Variants in COG4 observed in about 807,000 individuals in gnomAD.
COG4 encodes the protein conserved oligomeric Golgi complex subunit 4.
Under a neutral mutation model 95.1 loss-of-function variants are expected in COG4, and 65 were observed. The observed-to-expected ratio is 0.68, with a 90% CI of 0.56 to 0.84. COG4 has a LOEUF of 0.84. COG4 is among the 40% of genes least tolerant of loss of function. The probability of loss-of-function intolerance (pLI) is 0.00; values close to 1 mark genes in which losing one functional copy is unlikely to be tolerated. For missense variants in COG4, 1,045 were observed against 989.1 expected (o/e 1.06, Z -0.76); for synonymous variants, 421 against 374.8 (o/e 1.12, Z -1.42).
rs1445631357 is a variant in COG4, at chr16:70,496,409, G to T, written c.1504C>A (p.Arg502=). 1 of 1,614,034 alleles carries T rather than the reference G, an allele frequency of 6.2e-7. No individual in the cohort carries two copies. The highest frequency in any genetic ancestry group is 8.5e-7 in the Non-Finnish European group (1 of 1,180,038). The change falls in exon 12 of 19, where the codon CGG becomes AGG. Residue 502 remains arginine (R), a synonymous_variant. Transcript: ENST00000323786. ...AAGGTGGTGGCAGGAAAGCCCATCC[G>T]CAGCTTATTACACAGAACATCCCTG... ...DFRDVLCNKL[R]MGFPATTFQD...
intron 14 of COG4, 44 bp from the exon 15 acceptor site, chr16:70,482,865 C>T (rs2049029265): frequency 6.9e-7 from 1 of 1,447,128 alleles, no homozygotes; most frequent in East Asian, 2.3e-5. Flanking sequence ...GAAGGCACGA[C>T]TCATCCCTTC....
Position 70,508,416 on chromosome 16 carries a change from T to A in COG4, c.1051A>T (p.Ile351Phe). ...NLMRNSTTEK[I>F]EPRELDPILT... ...GAGAAGGATTATTACCTTGGTTCGA[T>A]TTTTTCTGTTGTAGAATTTCTCATC... The change falls in exon 8 of 19, where the codon ATC (isoleucine) becomes TTC (phenylalanine). Residue 351 changes from isoleucine to phenylalanine, a missense_variant. Ile to Phe is a conservative substitution (Grantham distance 21). Coordinates refer to ENST00000323786, the MANE Select transcript of COG4 (RefSeq NM_015386.3). 3 of 1,614,008 alleles carry A rather than the reference T, an allele frequency of 1.9e-6. No homozygotes were observed. The highest frequency in any genetic ancestry group is 2.5e-6 in the Non-Finnish European group (3 of 1,179,880).
intron 13 of COG4, among the ~76,000 whole-genome samples, chr16:70,485,666 A>G (rs957610172): frequency 2.7e-5 from 4 of 148,340 alleles, no homozygotes; most frequent in Admixed American, 6.7e-5. Flanking sequence ...GCTGACTGCA[A>G]CCTCTGTCTC....
In COG4 at chr16:70,509,916, C is replaced by G; in HGVS notation, c.844G>C (p.Gly282Arg). 6.2e-7 allele frequency: 1 copy of G among 1,612,450 alleles called. No homozygotes were observed. Among genetic ancestry groups the G allele is most frequent in the Non-Finnish European group, 8.5e-7 (1 of 1,178,546 alleles). Residue 282 changes from glycine to arginine, a missense_variant and splice_region_variant, in exon 6 of 19, where the codon GGG (glycine) becomes CGG (arginine). By Grantham distance (125) the Gly-to-Arg change is moderately radical. Coordinates refer to ENST00000323786, the MANE Select transcript of COG4 (RefSeq NM_015386.3). ...CTCTAGAGCGGAGAAAGAGGCTCAC[C>G]TTCAAACAGAAGAGTAAGTGTATCT... ...FADTLTLLFE[G>R]IARIVETHQP...
rs1163299392 is a variant in COG4 at position 70,481,342 on chromosome 16, A to G, written c.2235+17T>C. On this transcript the variant is annotated intron_variant, in intron 18 of 18. Transcript: ENST00000323786. ...TCAGTCACCCCTCCCTGGCTGGGCC[A>G]AGGGTGCCCCACCTACCCGCTCCAG... 6.2e-7 allele frequency: 1 copy of G among 1,611,784 alleles called. No homozygotes were observed. Among genetic ancestry groups the G allele is most frequent in the Admixed American group, 1.7e-5 (1 of 60,006 alleles).
intron 4 of COG4, among the ~76,000 whole-genome samples, chr16:70,513,233 A>G (rs910870334): frequency 1.3e-5 from 2 of 152,264 alleles, no homozygotes; most frequent in Admixed American, 6.5e-5. Context: ...GAGTGGATGC[A>G]TAAGTGAATA....
intron 14 of COG4, among the ~76,000 whole-genome samples, chr16:70,483,625 G>A (rs903982643): frequency 1.3e-5 from 2 of 152,132 alleles, no homozygotes; most frequent in African/African-American, 4.8e-5. Flanking sequence ...GGGGCCAAGT[G>A]CAAAGTCTAG....
intron 12 of COG4, among the ~76,000 whole-genome samples, chr16:70,492,767 AT>A (rs2049270599): frequency 6.6e-6 from 1 of 151,918 alleles, no homozygotes; most frequent in Non-Finnish European, 1.5e-5. Flanking sequence ...GTTCGAGACC[AT>A]CCTGGCCAAC....
chr16:70,503,160 T>TC (rs2151753516), intron 8 of COG4, among the ~76,000 whole-genome samples: 1 of 152,238 alleles, frequency 6.6e-6, no homozygotes, highest in Admixed American at 6.5e-5. Flanking sequence ...CAGGCAATCC[T>TC]CCCACCTCAG....
intron 4 of COG4, among the ~76,000 whole-genome samples, chr16:70,512,771 G>A (rs1169904245): frequency 2.6e-5 from 4 of 152,120 alleles, no homozygotes; most frequent in South Asian, 2.1e-4. Flanking sequence ...CAAGGTCAAG[G>A]GATTGAGACC....
rs773267196 is a variant in COG4 at position 70,481,439 on chromosome 16, G to A, written c.2155C>T (p.Leu719Phe). The change falls in exon 18 of 19, where the codon CTT (leucine) becomes TTT (phenylalanine). Residue 719 changes from leucine to phenylalanine, a missense_variant. Leu to Phe is a conservative substitution (Grantham distance 22, BLOSUM62 0). Transcript: ENST00000323786. The stretch of plus-strand genomic sequence containing the variant: ...ATGGTCCAGGTGGTCACCGTGGTAA[G>A]GTAGGCAATGAGCGACCTCAGCTCC... ...DKELRSLIAY[L>F]TTVTTWTIRD... The A allele has an allele frequency of 2.5e-6, 4 of 1,613,076 alleles. No individual in the cohort carries two copies. The highest frequency in any genetic ancestry group is 3.4e-6 in the Non-Finnish European group (4 of 1,179,998).
At chr16:70,513,000 T>C (rs1392784191) in intron 4 of COG4, among the ~76,000 whole-genome samples, 2 of 152,088 alleles carry the variant, frequency 1.3e-5, no homozygotes, top group African/African-American at 4.8e-5. Flanking sequence ...TGTCAAAAAG[T>C]CACATTTCTG....
At position 70,509,230 on chromosome 16, in the gene COG4, C is replaced by A. The variant is rs1474477573; in HGVS notation, c.1002+1G>T. 1.2e-6 allele frequency: 2 copies of A among 1,614,184 alleles called. No individual in the cohort carries two copies. The highest frequency in any genetic ancestry group is 1.1e-5 in the South Asian group (1 of 91,084). On this transcript the variant is annotated splice_donor_variant, in intron 7 of 18. Transcript: ENST00000323786. LOFTEE classifies it high-confidence loss of function. ...CCCTACCTGTAGCTTCCCCTGCTCA[C>A]CTGCTGGTGGTAGTCCCTTTGCTTG...
At chr16:70,481,717 C>T in intron 17 of COG4, 47 bp downstream of exon 17, 1 of 1,537,866 alleles carries the variant, frequency 6.5e-7, no homozygotes, top group Non-Finnish European at 9.0e-7. Context: ...ACATGTCTTC[C>T]TCAGAGGAGA....
intron 9 of COG4, 85 bp from the exon 10 acceptor site, chr16:70,498,140 T>A (rs1597669059): frequency 1.2e-6 from 1 of 809,226 alleles, no homozygotes; most frequent in South Asian, 1.4e-5. Context: ...GGTTCCTTTA[T>A]AGTCTTTCTT....
chr16:70,496,118 A>G, intron 12 of COG4, 148 bp downstream of exon 12: 1 of 837,026 alleles, frequency 1.2e-6, no homozygotes, highest in Non-Finnish European at 2.0e-6. Context: ...ACCTTCTGGG[A>G]GGAAATTCCC....
intron 13 of COG4, among the ~76,000 whole-genome samples, chr16:70,486,245 TC>T (rs1194659610): frequency 1.3e-5 from 2 of 152,168 alleles, no homozygotes; most frequent in Non-Finnish European, 2.9e-5. Flanking sequence ...TAGAGACCTC[TC>T]CAGGGGGAAC....
At chr16:70,511,545 T>A (rs2049705171) in intron 5 of COG4, among the ~76,000 whole-genome samples, 1 of 149,654 alleles carries the variant, frequency 6.7e-6, no homozygotes. Context: ...TGAGACCGTT[T>A]CTATAAAAAA....
intron 13 of COG4, among the ~76,000 whole-genome samples, chr16:70,488,975 C>A (rs1567724652): frequency 1.3e-5 from 2 of 152,176 alleles, no homozygotes; most frequent in African/African-American, 2.4e-5. Context: ...GTCATTATCC[C>A]TGCTTTATGA....
Sources: allele counts gnomAD v4.1 joint callset (sites outside exome capture counted in the v4.1 genomes callset), GRCh38; gene constraint gnomAD v4.1.1; transcripts MANE v1.5; gene names NCBI Gene and HGNC (gene_info 2026-07-23, HGNC 2026-07-21).